Variants in KLHL15 observed in about 807,000 individuals in gnomAD.
KLHL15 encodes kelch-like protein 15.
In KLHL15, 1 loss-of-function variant was observed where a neutral mutation model predicts 29.3. The observed-to-expected ratio is 0.03, with a 90% confidence interval of 0.01 to 0.16. The LOEUF (loss-of-function observed/expected upper bound fraction) is 0.16. Ranked by LOEUF, KLHL15 falls within the 10% of genes least tolerant of loss-of-function variation. The probability of loss-of-function intolerance (pLI) is 1.00; values close to 1 mark genes in which losing one functional copy is unlikely to be tolerated. For synonymous variants in KLHL15, 212 were observed against 184.5 expected, an observed-to-expected ratio of 1.15 and a Z score of -1.21; for missense variants, 215 against 478.5, an observed-to-expected ratio of 0.45 and a Z score of 5.14.
chrX:23,995,629 T>G (rs958332165), intron 3 of KLHL15, among the ~76,000 whole-genome samples: 2 of 111,187 alleles, frequency 1.8e-5, no homozygotes, highest in East Asian at 5.6e-4. Context: ...CTGAATACCA[T>G]GTGGCCAGGC....
intron 3 of KLHL15, among the ~76,000 whole-genome samples, chrX:23,998,004 C>T (rs1257454733): frequency 9.0e-6 from 1 of 110,819 alleles, no homozygotes; most frequent in Non-Finnish European, 1.9e-5. Context: ...CTCTGTCACC[C>T]AGGCTGGAGT....
chrX:23,993,353 C>T (rs1929123291), intron 3 of KLHL15, among the ~76,000 whole-genome samples: 1 of 111,000 alleles, frequency 9.0e-6, no homozygotes, highest in Non-Finnish European at 1.9e-5. Flanking sequence ...AAATAGCCCA[C>T]CAAAACAAAA....
chrX:24,026,843 C>G (rs1482329168), intron 1 of KLHL15, among the ~76,000 whole-genome samples: 3 of 111,693 alleles, frequency 2.7e-5, no homozygotes, highest in East Asian at 5.6e-4. Flanking sequence ...CTGAAATTCC[C>G]AAGTTGTTCA....
intron 3 of KLHL15, among the ~76,000 whole-genome samples, chrX:23,995,586 G>A (rs752832607): frequency 2.3e-4 from 25 of 109,586 alleles, no homozygotes; most frequent in African/African-American, 7.0e-4. Context: ...AATTAAAGAC[G>A]GTATATACAA....
rs751698122 is a variant in KLHL15, at chrX:24,001,546, G to A, written c.705+4443C>T. Among the ~76,000 whole-genome samples the A allele has an allele frequency of 3.6e-5, 4 of 111,036 alleles. No individual in the cohort carries two copies. In the South Asian group the frequency reaches 1.5e-3, roughly 42 times the overall value. On this transcript the variant is annotated intron_variant, in intron 3 of 3. Coordinates refer to ENST00000328046, the MANE Select transcript of KLHL15 (RefSeq NM_030624.3). ...AGGCTGGGCGTGGTGGCTCAAGCCT[G>A]TAATCCCAGCACTTTGGGGGGCCGA...
chrX:24,007,961 G>A (rs758102026), intron 2 of KLHL15, among the ~76,000 whole-genome samples: 1 of 109,934 alleles, frequency 9.1e-6, no homozygotes, highest in South Asian at 3.8e-4. Context: ...TACTGAGTAC[G>A]TCTTCGAAAA....
chrX:23,990,126 T>C (rs1929051857), intron 3 of KLHL15, among the ~76,000 whole-genome samples: 1 of 110,741 alleles, frequency 9.0e-6, no homozygotes, highest in Non-Finnish European at 1.9e-5. Flanking sequence ...AAGCAAGACC[T>C]CATCTCTACA....
intron 2 of KLHL15, among the ~76,000 whole-genome samples, chrX:24,018,431 T>C (rs750451745): frequency 2.7e-5 from 3 of 109,545 alleles, no homozygotes; most frequent in South Asian, 7.7e-4. Context: ...GAATTTCAAA[T>C]AGTAGGTTTT....
intron 3 of KLHL15, among the ~76,000 whole-genome samples, chrX:23,999,441 AG>A (rs1379289062): frequency 1.8e-5 from 2 of 108,770 alleles, no homozygotes; most frequent in African/African-American, 6.7e-5. Flanking sequence ...TAAAAATACA[AG>A]AAATTAGCCG....
intron 2 of KLHL15, 80 bp downstream of exon 2, chrX:24,024,777 G>A (rs1929886004): frequency 3.4e-6 from 1 of 296,610 alleles, no homozygotes; most frequent in Non-Finnish European, 5.9e-6. Context: ...GTGCAGAGAG[G>A]GCCGGCGAAT....
At chrX:24,020,946 A>C (rs1208996486) in intron 2 of KLHL15, among the ~76,000 whole-genome samples, 1 of 112,106 alleles carries the variant, frequency 8.9e-6, no homozygotes, top group African/African-American at 3.2e-5. Context: ...CATTAACTAA[A>C]TTCAAAGATC....
Position 23,984,551 on chromosome X carries a change from C to T in KLHL15, c.*3370G>A, listed in dbSNP as rs1166131421. The T allele has an allele frequency of 8.9e-6, 1 of 112,199 alleles. No homozygotes were observed. The highest frequency in any genetic ancestry group is 3.2e-5 in the African/African-American group (1 of 30,978). The allele number at this position is 112,199 out of a possible 1,213,427, so 9.2% of individuals were successfully genotyped here. A position where few individuals can be genotyped will look rare whatever the true frequency, so the allele number is the denominator to read the frequency against. On this transcript the variant is annotated 3_prime_UTR_variant, in exon 4 of 4. Transcript: ENST00000328046. ...TGTTGCATTTTACTTCAGTCTAAAA[C>T]TTTAAATTATGAATTCTCAAAAGAG...
At chrX:23,997,677 G>C (rs1357199675) in intron 3 of KLHL15, among the ~76,000 whole-genome samples, 1 of 92,349 alleles carries the variant, frequency 1.1e-5, no homozygotes, top group Non-Finnish European at 2.1e-5. Flanking sequence ...GTTGCAGGGA[G>C]CTGAGATTGT....
Position 23,986,137 on chromosome X carries a change from C to T in KLHL15, c.*1784G>A, listed in dbSNP as rs1349112772. On this transcript the variant is annotated 3_prime_UTR_variant, in exon 4 of 4. Transcript: ENST00000328046. ...CTACTTATGTACCTGGTTTCTTAAA[C>T]CCAAATGCCTCCAATTCTGGAGTTT... The T allele has an allele frequency of 9.1e-6, 1 of 110,441 alleles. No homozygotes were observed. Among genetic ancestry groups the T allele is most frequent in the Non-Finnish European group, 1.9e-5 (1 of 52,787 alleles). The allele number at this position is 110,441 out of a possible 1,213,427, so 9.1% of individuals were successfully genotyped here.
At chrX:24,018,440 T>C (rs758692424) in intron 2 of KLHL15, among the ~76,000 whole-genome samples, 1 of 110,868 alleles carries the variant, frequency 9.0e-6, no homozygotes, top group South Asian at 3.8e-4. Context: ...ATAGTAGGTT[T>C]TTTTTTTTTC....
chrX:24,013,012 T>G (rs1196913465), intron 2 of KLHL15, among the ~76,000 whole-genome samples: 1 of 112,109 alleles, frequency 8.9e-6, no homozygotes, highest in African/African-American at 3.2e-5. Flanking sequence ...AAATATATTC[T>G]GGAAACTAAT....
intron 3 of KLHL15, among the ~76,000 whole-genome samples, chrX:23,993,511 TAAAG>T (rs764524732): frequency 1.6e-4 from 18 of 110,787 alleles, no homozygotes; most frequent in Non-Finnish European, 3.2e-4. Flanking sequence ...GGTCTAATCA[TAAAG>T]AAAAGAGAAA....
At chrX:24,022,397 G>A (rs1248426718) in intron 2 of KLHL15, among the ~76,000 whole-genome samples, 1 of 75,472 alleles carries the variant, frequency 1.3e-5, no homozygotes, top group Admixed American at 1.3e-4. Flanking sequence ...GCTTTGGGAA[G>A]CCAAGGCGGG....
chrX:24,016,859 T>C (rs777248253), intron 2 of KLHL15, among the ~76,000 whole-genome samples: 81 of 110,648 alleles, frequency 7.3e-4, no homozygotes, highest in Non-Finnish European at 1.3e-3. Context: ...CTAGTTAACT[T>C]TGAAGAAACC....
Sources: gnomAD v4.1 joint callset for allele counts (sites outside exome capture counted in the v4.1 genomes callset) on GRCh38, gnomAD v4.1.1 for gene constraint, MANE v1.5 for transcripts, NCBI Gene and HGNC (gene_info 2026-07-23, HGNC 2026-07-21) for gene names.